The following FHIT variants were observed in gnomAD, a reference collection of about 807,000 sequenced individuals.
FHIT encodes the protein bis(5'-adenosyl)-triphosphatase.
A neutral mutation model predicts 17.9 loss-of-function variants in FHIT; 19 were observed. That is an observed-to-expected ratio of 1.06 (90% confidence interval 0.74 to 1.56). The LOEUF (loss-of-function observed/expected upper bound fraction) is 1.56, where lower values mean the gene tolerates loss of function less well. FHIT is among the 40% of genes most tolerant of loss of function. FHIT has a pLI of 0.00. For missense variants in FHIT, 248 were observed against 189.2 expected (o/e 1.31, Z -1.82); for synonymous variants, 81 against 69.7 (o/e 1.16, Z -0.81).
At chr3:61,097,225 A>G (rs1022736885) in intron 2 of FHIT, among the ~76,000 whole-genome samples, 4 of 152,106 alleles carry the variant, frequency 2.6e-5, no homozygotes, top group African/African-American at 4.8e-5. Context: ...TCACTGGGGC[A>G]TGTCAGACAG....
chr3:61,098,608 G>A (rs879134822), intron 2 of FHIT, among the ~76,000 whole-genome samples: 1 of 152,148 alleles, frequency 6.6e-6, no homozygotes, highest in African/African-American at 2.4e-5. Context: ...CCATTTGTCT[G>A]TGTCATCTCT....
chr3:60,076,998 T>C (rs976758048), intron 5 of FHIT, among the ~76,000 whole-genome samples: 2 of 152,090 alleles, frequency 1.3e-5, no homozygotes, highest in African/African-American at 4.8e-5. Flanking sequence ...ACTGTATTTA[T>C]GTGCTAATAA....
chr3:60,925,358 T>A (rs1247329300), intron 3 of FHIT, among the ~76,000 whole-genome samples: 1 of 152,102 alleles, frequency 6.6e-6, no homozygotes, highest in Non-Finnish European at 1.5e-5. Context: ...TAACAGCAGA[T>A]CTCTCAGCAG....
intron 4 of FHIT, among the ~76,000 whole-genome samples, chr3:60,805,551 A>AT (rs1168678836): frequency 2.6e-5 from 4 of 151,240 alleles, no homozygotes; most frequent in African/African-American, 7.3e-5. Context: ...TTTTATTTTT[A>AT]TTTTATTTAT....
intron 8 of FHIT, among the ~76,000 whole-genome samples, chr3:59,767,271 GGT>G (rs1487942143): frequency 7.2e-5 from 11 of 152,186 alleles, no homozygotes; most frequent in Admixed American, 7.2e-4. Flanking sequence ...GGCTGAGGCA[GGT>G]GGATCACCTG....
At chr3:59,793,957 C>T (rs1699672781) in intron 8 of FHIT, among the ~76,000 whole-genome samples, 1 of 152,140 alleles carries the variant, frequency 6.6e-6, no homozygotes. Flanking sequence ...CAGTATTTCA[C>T]ACAGGAACAC....
At chr3:61,047,353 C>A (rs6623884) in intron 2 of FHIT, among the ~76,000 whole-genome samples, 1 of 152,038 alleles carries the variant, frequency 6.6e-6, no homozygotes, top group Non-Finnish European at 1.5e-5. Context: ...AAACAGAGAG[C>A]CAAATCATGA....
chr3:60,439,585 C>T (rs1183754654), intron 5 of FHIT, among the ~76,000 whole-genome samples: 3 of 152,042 alleles, frequency 2.0e-5, no homozygotes, highest in Admixed American at 1.3e-4. Flanking sequence ...TTCCTGGTCT[C>T]AGTCAGTGAT....
At chr3:60,006,317 A>G (rs1575866051) in intron 7 of FHIT, among the ~76,000 whole-genome samples, 1 of 152,222 alleles carries the variant, frequency 6.6e-6, no homozygotes, top group African/African-American at 2.4e-5. Context: ...GAATTTAACC[A>G]AAAGGCAGTC....
At chr3:60,520,646 T>C (rs1031149875) in intron 5 of FHIT, among the ~76,000 whole-genome samples, 3 of 146,622 alleles carry the variant, frequency 2.0e-5, no homozygotes, top group Admixed American at 2.0e-4. Context: ...ATGCTTCACT[T>C]TCAAAAAAAA....
intron 8 of FHIT, among the ~76,000 whole-genome samples, chr3:59,850,375 G>T (rs1482102147): frequency 1.3e-5 from 2 of 152,126 alleles, no homozygotes; most frequent in Non-Finnish European, 2.9e-5. Flanking sequence ...AAAGCTTTGG[G>T]TATATCTCTT....
intron 2 of FHIT, among the ~76,000 whole-genome samples, chr3:61,150,534 C>A (rs1424221563): frequency 6.6e-6 from 1 of 152,116 alleles, no homozygotes; most frequent in Non-Finnish European, 1.5e-5. Flanking sequence ...GACAGGCCCA[C>A]ATGATGAAAA....
At chr3:61,197,280 C>T (rs929807787) in intron 2 of FHIT, among the ~76,000 whole-genome samples, 1 of 152,114 alleles carries the variant, frequency 6.6e-6, no homozygotes, top group Non-Finnish European at 1.5e-5. Context: ...AAAAGTTATC[C>T]TCATTTTACA....
In FHIT at chr3:59,985,254, C is replaced by G. The variant is rs184694202; in HGVS notation, c.279+26117G>C. Among the ~76,000 whole-genome samples the G allele has an allele frequency of 9.2e-4, 140 of 152,220 alleles. 1 individual carries two copies. In the Middle Eastern group the frequency reaches 0.01, roughly 11 times the overall value. On this transcript the variant is annotated intron_variant, in intron 7 of 9. Transcript: ENST00000492590. ...GTGCCCTGCAGAGCCCAAATGATCT[C>G]CATTACAAACACAGAATGCTCCGCC...
intron 4 of FHIT, among the ~76,000 whole-genome samples, chr3:60,769,002 G>T (rs1699948899): frequency 6.6e-6 from 1 of 152,126 alleles, no homozygotes; most frequent in African/African-American, 2.4e-5. Context: ...TGTTTGCCAG[G>T]CTTCTGTGAA....
chr3:60,529,723 A>G (rs1171031545), intron 5 of FHIT, among the ~76,000 whole-genome samples: 2 of 152,210 alleles, frequency 1.3e-5, no homozygotes, highest in African/African-American at 4.8e-5. Flanking sequence ...ACTACTTGAA[A>G]AAGTTACTGT....
intron 4 of FHIT, among the ~76,000 whole-genome samples, chr3:60,601,053 G>A (rs954710353): frequency 6.6e-6 from 1 of 152,152 alleles, no homozygotes; most frequent in African/African-American, 2.4e-5. Context: ...AGGCTGGAAG[G>A]GTCCCCAGAG....
chr3:60,482,657 C>A (rs1236070935), intron 5 of FHIT, among the ~76,000 whole-genome samples: 3 of 152,044 alleles, frequency 2.0e-5, no homozygotes, highest in African/African-American at 4.8e-5. Flanking sequence ...ATATCAGAAT[C>A]TCCGGGACAC....
intron 7 of FHIT, among the ~76,000 whole-genome samples, chr3:59,974,492 C>T (rs112933672): frequency 6.6e-6 from 1 of 152,130 alleles, no homozygotes; most frequent in African/African-American, 2.4e-5. Context: ...AACACCTTCA[C>T]CAAGCATGAG....
Sources: gnomAD v4.1 joint callset for allele counts (sites outside exome capture counted in the v4.1 genomes callset) on GRCh38, gnomAD v4.1.1 for gene constraint, MANE v1.5 for transcripts, NCBI Gene and HGNC (gene_info 2026-07-23, HGNC 2026-07-21) for gene names.